GRM7: variants seen among roughly 807,000 people sequenced by gnomAD.
GRM7 encodes the protein metabotropic glutamate receptor 7.
GRM7 carries 35 observed loss-of-function variants against 84.5 expected under a neutral mutation model. That is an observed-to-expected ratio of 0.41 (90% confidence interval 0.32 to 0.55). GRM7 has a LOEUF of 0.55. GRM7 is among the 20% of genes least tolerant of loss of function. The probability of loss-of-function intolerance (pLI) is 0.19; values close to 1 mark genes in which losing one functional copy is unlikely to be tolerated. For synonymous variants in GRM7, 487 were observed against 455.1 expected (o/e 1.07, Z -0.89); for missense variants, 1,003 against 1,194.6 (o/e 0.84, Z 2.36).
intron 1 of GRM7, among the ~76,000 whole-genome samples, chr3:7,082,815 G>T (rs6792684): frequency 0.48 from 73,043 of 151,820 alleles, 18,467 homozygotes; most frequent in African/African-American, 0.65. Context: ...TGGAAAAAGT[G>T]AACTGCAGAT....
At chr3:7,167,707 C>T (rs567390231) in intron 2 of GRM7, among the ~76,000 whole-genome samples, 4 of 152,060 alleles carry the variant, frequency 2.6e-5, no homozygotes, top group South Asian at 2.1e-4. Flanking sequence ...CGGGGGCTCA[C>T]GCCTGTAATC....
intron 7 of GRM7, among the ~76,000 whole-genome samples, chr3:7,567,097 G>T (rs1694316753): frequency 6.6e-6 from 1 of 152,030 alleles, no homozygotes; most frequent in African/African-American, 2.4e-5. Context: ...GTTTGGGGTG[G>T]GGAAAAATGT....
chr3:7,557,919 T>C (rs565043629), intron 7 of GRM7, among the ~76,000 whole-genome samples: 2 of 152,116 alleles, frequency 1.3e-5, no homozygotes, highest in Admixed American at 6.6e-5. Flanking sequence ...AAATCACTGA[T>C]GTTTCAAATG....
At chr3:7,283,768 TTAC>T (rs1360359992) in intron 2 of GRM7, among the ~76,000 whole-genome samples, 2 of 152,186 alleles carry the variant, frequency 1.3e-5, no homozygotes, top group East Asian at 1.9e-4. Context: ...CACATGGACT[TTAC>T]GGGCAGTTAA....
chr3:7,268,243 T>G (rs1698720289), intron 2 of GRM7, among the ~76,000 whole-genome samples: 1 of 151,972 alleles, frequency 6.6e-6, no homozygotes, highest in Admixed American at 6.6e-5. Context: ...GGCTTATGCC[T>G]GTAATCCCAG....
intron 8 of GRM7, among the ~76,000 whole-genome samples, chr3:7,674,409 C>G (rs1481483395): frequency 6.6e-6 from 1 of 152,108 alleles, no homozygotes; most frequent in African/African-American, 2.4e-5. Flanking sequence ...CCAGGCTGGT[C>G]TTGAACTCCT....
chr3:7,307,925 A>G (rs17047073), intron 4 of GRM7, among the ~76,000 whole-genome samples: 71,921 of 151,974 alleles, frequency 0.47, 18,716 homozygotes, highest in Non-Finnish European at 0.6. Context: ...TACATGGGAA[A>G]CATTGTAAGT....
chr3:7,527,391 A>G lies in GRM7; in HGVS notation c.1516-51031A>G, dbSNP rs377573460. Among the ~76,000 whole-genome samples, 95 of 152,042 alleles carry G rather than the reference A, an allele frequency of 6.2e-4. 2 individuals are homozygous for G. The South Asian group carries it at 0.015, about 25-fold the overall frequency. Reference sequence around the variant, plus strand: ...CATTGATTTTGTATCCTAAAACTTTACTGAAGTTGTTTGTTGGATCTAGGA... The same window carrying G: ...CATTGATTTTGTATCCTAAAACTTTGCTGAAGTTGTTTGTTGGATCTAGGA... On this transcript the variant is annotated intron_variant, in intron 7 of 9. Transcript: ENST00000357716.
At chr3:6,929,420 AG>A (rs1426806053) in intron 1 of GRM7, among the ~76,000 whole-genome samples, 2 of 152,200 alleles carry the variant, frequency 1.3e-5, no homozygotes, top group African/African-American at 4.8e-5. Context: ...AACTAGTGAA[AG>A]GTATGGGAAC....
chr3:7,406,767 G>A (rs1171388053), intron 4 of GRM7, among the ~76,000 whole-genome samples: 1 of 152,094 alleles, frequency 6.6e-6, no homozygotes, highest in Non-Finnish European at 1.5e-5. Flanking sequence ...TGCTTTAAAT[G>A]CCTTTTCAAA....
In GRM7 at chr3:7,187,447, G is replaced by A. The variant is rs1675752517; in HGVS notation, c.736+40779G>A. Reference sequence around the variant, plus strand: ...TGTAGTTGTGATGTAGGACAGGTGAGCCCCAAAGTAGGGCTTAGCCTTTGA... The same window carrying A: ...TGTAGTTGTGATGTAGGACAGGTGAACCCCAAAGTAGGGCTTAGCCTTTGA... On this transcript the variant is annotated intron_variant, in intron 2 of 9. Transcript: ENST00000357716. Among the ~76,000 whole-genome samples the A allele has an allele frequency of 2.6e-5, 4 of 152,324 alleles. No homozygotes were observed. In the South Asian group the frequency reaches 8.3e-4, roughly 32 times the overall value.
intron 2 of GRM7, among the ~76,000 whole-genome samples, chr3:7,235,911 G>A (rs1697332814): frequency 2.0e-5 from 3 of 152,212 alleles, no homozygotes. Flanking sequence ...TGTGCCTGCT[G>A]CTATAAGAAA....
intron 1 of GRM7, among the ~76,000 whole-genome samples, chr3:6,972,283 G>A (rs909207726): frequency 6.6e-6 from 1 of 152,158 alleles, no homozygotes; most frequent in Admixed American, 6.5e-5. Flanking sequence ...AATTTTCTCT[G>A]AGTTAGATTT....
intron 5 of GRM7, among the ~76,000 whole-genome samples, chr3:7,447,314 T>C (rs1441215839): frequency 1.3e-5 from 2 of 152,206 alleles, no homozygotes; most frequent in Non-Finnish European, 2.9e-5. Flanking sequence ...CTTCAAGCTA[T>C]GTTGTTGAAA....
At chr3:7,177,402 T>A (rs1051570019) in intron 2 of GRM7, among the ~76,000 whole-genome samples, 1 of 152,188 alleles carries the variant, frequency 6.6e-6, no homozygotes, top group Non-Finnish European at 1.5e-5. Context: ...TCATCTTGTA[T>A]CTCTTCTGCT....
At chr3:7,558,550 T>C (rs937332034) in intron 7 of GRM7, among the ~76,000 whole-genome samples, 2 of 152,128 alleles carry the variant, frequency 1.3e-5, no homozygotes, top group African/African-American at 4.8e-5. Flanking sequence ...TAATAATGGT[T>C]CATTATTATG....
chr3:7,646,216 G>C (rs189278396), intron 8 of GRM7, among the ~76,000 whole-genome samples: 1 of 152,196 alleles, frequency 6.6e-6, no homozygotes, highest in Non-Finnish European at 1.5e-5. Flanking sequence ...ATTTGAGATG[G>C]AGTCTCACTC....
rs561325549 is a variant in GRM7 at position 6,879,163 on chromosome 3, G to A, written c.519+17256G>A. Among the ~76,000 whole-genome samples, 109 of 150,216 alleles carry A rather than the reference G, an allele frequency of 7.3e-4. 2 individuals carry two copies. The highest frequency in any genetic ancestry group is 1.8e-3 in the Admixed American group (27 of 15,102). On this transcript the variant is annotated intron_variant, in intron 1 of 9. Coordinates refer to ENST00000357716, the MANE Select transcript of GRM7 (RefSeq NM_000844.4). The stretch of plus-strand genomic sequence containing the variant: ...ATAAGATACGTAAGTCCTACTTAAT[G>A]TCCCCAATTTACAGATAAATTAATT...
At chr3:6,929,579 C>T (rs1408593638) in intron 1 of GRM7, among the ~76,000 whole-genome samples, 1 of 151,962 alleles carries the variant, frequency 6.6e-6, no homozygotes, top group African/African-American at 2.4e-5. Flanking sequence ...TCTATCTGTT[C>T]ATGCTTGGGA....
Sources: allele counts gnomAD v4.1 joint callset (sites outside exome capture counted in the v4.1 genomes callset), GRCh38; gene constraint gnomAD v4.1.1; transcripts MANE v1.5; gene names NCBI Gene and HGNC (gene_info 2026-07-23, HGNC 2026-07-21).